The following OR4F17 variants were observed in gnomAD, a reference collection of about 807,000 sequenced individuals.
OR4F17 encodes olfactory receptor 4F17.
For missense variants in OR4F17, 1 was observed against 323.6 expected (o/e 0.00, Z 7.65); for synonymous variants, 1 against 120.7 (o/e 0.01, Z 6.50).
intron 2 of OR4F17, among the ~76,000 whole-genome samples, chr19:108,434 G>A (rs1968659388): frequency 1.3e-5 from 2 of 151,652 alleles, no homozygotes; most frequent in Non-Finnish European, 2.9e-5. Context: ...AAAGAATTAT[G>A]GTGGTGAAGG....
intron 2 of OR4F17, among the ~76,000 whole-genome samples, chr19:108,051 T>TAGAA (rs1568168890): frequency 1.9e-5 from 2 of 107,902 alleles, no homozygotes; most frequent in African/African-American, 7.2e-5. Flanking sequence ...ATATATTTTA[T>TAGAA]TATAAAATAT....
rs1297145012 is a variant in OR4F17 at position 109,637 on chromosome 19, A to G, written c.-54-988A>G. Among the ~76,000 whole-genome samples, 10 of 135,150 alleles carry G rather than the reference A, an allele frequency of 7.4e-5. No individual in the cohort carries two copies. In the Admixed American group the frequency reaches 8.1e-4, roughly 11 times the overall value. 88.7% of individuals were successfully genotyped at this position (135,150 alleles called of 152,430 possible). A position where few individuals can be genotyped will look rare whatever the true frequency, so the allele number is the denominator to read the frequency against. On this transcript the variant is annotated intron_variant, in intron 2 of 2. Coordinates refer to ENST00000585993, the MANE Select transcript of OR4F17 (RefSeq NM_001005240.3). ...TTACTATTTGCTAGAAAATTTATAT[A>G]CCTGGTCGTATCCAATCCTCACAGA...
At position 109,020 on chromosome 19, in the gene OR4F17, T is replaced by TA. The variant is rs1968669469; in HGVS notation, c.-55+1471dup. The stretch of plus-strand genomic sequence containing the variant: ...CCAAGCACTATGAATTACTGTTCTT[T>TA]AAAAAACAGCAAAAATCAAATAACA... On this transcript the variant is annotated intron_variant, in intron 2 of 2. Coordinates refer to ENST00000585993, the MANE Select transcript of OR4F17 (RefSeq NM_001005240.3). Among the ~76,000 whole-genome samples, 5 of 151,286 alleles carry TA rather than the reference T, an allele frequency of 3.3e-5. No individual in the cohort carries two copies. The South Asian group carries it at 1.1e-3, about 32-fold the overall frequency.
At chr19:108,396 A>C (rs1251102082) in intron 2 of OR4F17, among the ~76,000 whole-genome samples, 3 of 151,950 alleles carry the variant, frequency 2.0e-5, no homozygotes, top group East Asian at 3.9e-4. Flanking sequence ...TTTTTGAATA[A>C]TTTTTAAAAA....
At chr19:108,865 A>G (rs1415108254) in intron 2 of OR4F17, among the ~76,000 whole-genome samples, 1 of 152,134 alleles carries the variant, frequency 6.6e-6, no homozygotes, top group African/African-American at 2.4e-5. Context: ...CCACTATTAG[A>G]CTTCTCTTTA....
At chr19:110,006 G>C (rs1968684785) in intron 2 of OR4F17, among the ~76,000 whole-genome samples, 1 of 148,494 alleles carries the variant, frequency 6.7e-6, no homozygotes, top group Admixed American at 6.8e-5. Flanking sequence ...AAATTTTTCA[G>C]TAGTTCTTGT....
In OR4F17 at chr19:108,194, T is replaced by G. The variant is rs1968654949; in HGVS notation, c.-55+639T>G. ...ATATTATATAAATATATTTATATAT[T>G]ATATAAATATATATATTATATATAA... is the stretch of plus-strand genomic sequence containing the variant. On this transcript the variant is annotated intron_variant, in intron 2 of 2. Coordinates refer to ENST00000585993, the MANE Select transcript of OR4F17 (RefSeq NM_001005240.3). 3.7e-5 allele frequency among the ~76,000 whole-genome samples: 5 copies of G among 133,836 alleles called. No individual in the cohort carries two copies. The Admixed American group carries it at 4.5e-4, about 12-fold the overall frequency. 87.8% of individuals were successfully genotyped at this position (133,836 alleles called of 152,430 possible).
intron 2 of OR4F17, among the ~76,000 whole-genome samples, chr19:108,242 A>G (rs1968656003): frequency 1.4e-5 from 2 of 146,686 alleles, no homozygotes; most frequent in South Asian, 2.1e-4. Flanking sequence ...AATTCCAAGA[A>G]TAATCTATGG....
chr19:107,875 A>T (rs1218876524), intron 2 of OR4F17, among the ~76,000 whole-genome samples: 34 of 54,446 alleles, frequency 6.2e-4, no homozygotes, highest in Admixed American at 7.1e-4. Context: ...TTTATTATAT[A>T]ATATAATATA....
intron 2 of OR4F17, among the ~76,000 whole-genome samples, chr19:107,776 TTA>T (rs1191492071): frequency 7.7e-6 from 1 of 129,650 alleles, no homozygotes; most frequent in Non-Finnish European, 1.6e-5. Flanking sequence ...TACTATATAT[TTA>T]TATATATTAC....
intron 2 of OR4F17, among the ~76,000 whole-genome samples, chr19:107,874 T>G (rs1176466675): frequency 1.7e-5 from 1 of 58,344 alleles, no homozygotes; most frequent in Admixed American, 3.3e-4. Context: ...TTTTATTATA[T>G]AATATAATAT....
At chr19:108,397 T>C (rs1177293657) in intron 2 of OR4F17, among the ~76,000 whole-genome samples, 2 of 151,748 alleles carry the variant, frequency 1.3e-5, no homozygotes, top group African/African-American at 4.8e-5. Context: ...TTTTGAATAA[T>C]TTTTAAAAAG....
intron 2 of OR4F17, among the ~76,000 whole-genome samples, chr19:109,876 CACA>C (rs1220425182): frequency 1.3e-5 from 2 of 152,164 alleles, no homozygotes; most frequent in African/African-American, 4.8e-5. Flanking sequence ...TTCCTGCTCA[CACA>C]ACCACAACCT....
rs576716619 is a variant in OR4F17, at chr19:109,850, G to A, written c.-54-775G>A. Among the ~76,000 whole-genome samples the A allele has an allele frequency of 1.5e-4, 23 of 152,122 alleles. No homozygotes were observed. In the East Asian group the frequency reaches 4.3e-3, roughly 28 times the overall value. On this transcript the variant is annotated intron_variant, in intron 2 of 2. Transcript: ENST00000585993. ...TACGTTGCTCGATGGGATCTTACAG[G>A]TCTTCATTCACCCCTTTCCTGCTCA...
At chr19:108,329 C>T (rs1232466262) in intron 2 of OR4F17, among the ~76,000 whole-genome samples, 1 of 151,192 alleles carries the variant, frequency 6.6e-6, no homozygotes, top group African/African-American at 2.4e-5. Flanking sequence ...CTGAAGAACT[C>T]CTTTAATAAG....
At position 110,900 on chromosome 19, in the gene OR4F17, GATT is replaced by G; in HGVS notation, c.224_226del (p.Ile75del). 1.4e-6 allele frequency: 2 copies of G among 1,460,768 alleles called. No individual in the cohort carries two copies. The highest frequency in any genetic ancestry group is 2.3e-5 in the South Asian group (2 of 85,594). 90.5% of individuals were successfully genotyped at this position (1,460,768 alleles called of 1,614,324 possible). ...TGTCTTCAGTCACAGCCCCCAAGAT[GATT>G]ACTGACTTTTTCAGCCAGCGCAAAG... On this transcript the variant is annotated inframe_deletion, in exon 3 of 3. Transcript: ENST00000585993.
At chr19:107,840 TAA>T (rs1340432268) in intron 2 of OR4F17, among the ~76,000 whole-genome samples, 4 of 113,254 alleles carry the variant, frequency 3.5e-5, no homozygotes, top group African/African-American at 6.5e-5. Context: ...AAATATAATA[TAA>T]ATTATATAAA....
At chr19:107,813 TA>T (rs1173479289) in intron 2 of OR4F17, among the ~76,000 whole-genome samples, 4 of 122,470 alleles carry the variant, frequency 3.3e-5, no homozygotes, top group African/African-American at 6.0e-5. Flanking sequence ...TAATATATAT[TA>T]TATAATATAT....
At chr19:108,806 A>T (rs1425118530) in intron 2 of OR4F17, among the ~76,000 whole-genome samples, 6 of 152,182 alleles carry the variant, frequency 3.9e-5, no homozygotes, top group Non-Finnish European at 8.8e-5. Context: ...GATTATATTT[A>T]TTACAGTGCT....
Sources: gnomAD v4.1 joint callset for allele counts (sites outside exome capture counted in the v4.1 genomes callset) on GRCh38, gnomAD v4.1.1 for gene constraint, MANE v1.5 for transcripts, NCBI Gene and HGNC (gene_info 2026-07-23, HGNC 2026-07-21) for gene names.